The following CHN2 variants were observed in gnomAD, a reference collection of about 807,000 sequenced individuals.
The protein encoded by CHN2 is beta-chimaerin.
Under a neutral mutation model 56.3 loss-of-function variants are expected in CHN2, and 35 were observed. That is an observed-to-expected ratio of 0.62 (90% confidence interval 0.47 to 0.82). The LOEUF (loss-of-function observed/expected upper bound fraction) is 0.82. Among genes scored for constraint, CHN2 ranks in the 40% least tolerant of loss-of-function variants. CHN2 has a pLI of 0.00. For missense variants in CHN2, 491 were observed against 580.5 expected, an observed-to-expected ratio of 0.85 and a Z score of 1.58; for synonymous variants, 210 against 212.8, an observed-to-expected ratio of 0.99 and a Z score of 0.12.
At chr7:29,299,062 G>A (rs534970270) in intron 1 of CHN2, among the ~76,000 whole-genome samples, 8 of 152,280 alleles carry the variant, frequency 5.3e-5, no homozygotes, top group East Asian at 1.9e-4. Flanking sequence ...GGGATTCTCC[G>A]CAGAGCGAGA....
intron 3 of CHN2, among the ~76,000 whole-genome samples, chr7:29,391,590 T>C (rs1801376742): frequency 1.3e-5 from 2 of 152,202 alleles, no homozygotes; most frequent in Admixed American, 1.3e-4. Flanking sequence ...TTTCAGAAGA[T>C]TTGTCCCTCA....
At position 29,212,711 on chromosome 7, in the gene CHN2, C is replaced by T. The variant is rs1396353904; in HGVS notation, c.49+17721C>T. On this transcript the variant is annotated intron_variant, in intron 1 of 12. Coordinates refer to ENST00000222792, the MANE Select transcript of CHN2 (RefSeq NM_004067.4). Reference sequence around the variant, plus strand: ...CAATATCTGGAACCTCAGCTACAAACAGGTGAAGACCTGGTTCTAGAACCA... The same window carrying T: ...CAATATCTGGAACCTCAGCTACAAATAGGTGAAGACCTGGTTCTAGAACCA... 3 of 1,592,178 alleles carry T rather than the reference C, an allele frequency of 1.9e-6. No homozygotes were observed. The Admixed American group carries it at 5.0e-5, about 27-fold the overall frequency.
intron 6 of CHN2, among the ~76,000 whole-genome samples, chr7:29,424,970 C>T (rs1804710554): frequency 6.6e-6 from 1 of 152,194 alleles, no homozygotes; most frequent in African/African-American, 2.4e-5. Flanking sequence ...TAGTATTTAC[C>T]TGACCAAGCT....
chr7:29,188,541 T>TTA (rs1470440799), intron 2 of CHN2, among the ~76,000 whole-genome samples: 1 of 151,786 alleles, frequency 6.6e-6, no homozygotes, highest in Admixed American at 6.6e-5. Flanking sequence ...ATTTTTTTTT[T>TTA]AAAAAAAAGA....
intron 3 of CHN2, among the ~76,000 whole-genome samples, chr7:29,375,808 G>T (rs1800034060): frequency 6.6e-6 from 1 of 152,126 alleles, no homozygotes; most frequent in African/African-American, 2.4e-5. Context: ...CTCCATAGGA[G>T]TTGCTACCTA....
At chr7:29,235,072 G>A (rs1195127552) in intron 1 of CHN2, among the ~76,000 whole-genome samples, 1 of 152,118 alleles carries the variant, frequency 6.6e-6, no homozygotes, top group African/African-American at 2.4e-5. Flanking sequence ...ACTGGATGTA[G>A]TTTTAGTCCT....
intron 1 of CHN2, among the ~76,000 whole-genome samples, chr7:29,236,539 C>T (rs1250403559): frequency 2.6e-5 from 4 of 152,202 alleles, no homozygotes; most frequent in African/African-American, 9.7e-5. Context: ...AATATCTTCT[C>T]CCTTAGCCTG....
At chr7:29,232,484 C>T (rs1303993570) in intron 1 of CHN2, among the ~76,000 whole-genome samples, 1 of 152,198 alleles carries the variant, frequency 6.6e-6, no homozygotes, top group East Asian at 1.9e-4. Flanking sequence ...TTCTCTAGCT[C>T]TCCTTTTTCT....
intron 9 of CHN2, among the ~76,000 whole-genome samples, chr7:29,501,557 T>C (rs1404403292): frequency 6.6e-6 from 1 of 152,142 alleles, no homozygotes; most frequent in Non-Finnish European, 1.5e-5. Flanking sequence ...ATGTCTAACA[T>C]TTAAGAATAG....
At position 29,477,412 on chromosome 7, in the gene CHN2, C is replaced by G. The variant is rs547787203; in HGVS notation, c.577-2867C>G. On this transcript the variant is annotated intron_variant, in intron 6 of 12. Transcript: ENST00000222792. ...TCATTGTATTCAACCATCCATAGAC[C>G]AAAAGGAGGAGATTCTTTTGGCCAC... Among the ~76,000 whole-genome samples, 22 of 152,232 alleles carry G rather than the reference C, an allele frequency of 1.4e-4. No homozygotes were observed. In the South Asian group the frequency reaches 4.2e-3, roughly 29 times the overall value.
At position 29,199,754 on chromosome 7, in the gene CHN2, T is replaced by C. The variant is rs937966703; in HGVS notation, c.49+4764T>C. 5 of 152,328 alleles carry C rather than the reference T, an allele frequency of 3.3e-5. 1 individual carries two copies. In the Middle Eastern group the frequency reaches 0.017, roughly 518 times the overall value. 9.4% of individuals were successfully genotyped at this position (152,328 alleles called of 1,614,324 possible). On this transcript the variant is annotated intron_variant, in intron 1 of 12. Coordinates refer to ENST00000222792, the MANE Select transcript of CHN2 (RefSeq NM_004067.4). ...GGTAAGGAGATTTTTCTTAGCATGC[T>C]ACATATTTGCAGTGTTTGACAAGGG...
At chr7:29,499,835 G>T in intron 8 of CHN2, 32 bp from the exon 9 acceptor site, 1 of 1,526,034 alleles carries the variant, frequency 6.6e-7, no homozygotes, top group Non-Finnish European at 8.8e-7. Context: ...CAAAAGGGCT[G>T]GGCTAGGCTA....
chr7:29,449,220 G>A (rs1784232583), intron 6 of CHN2, among the ~76,000 whole-genome samples: 1 of 152,180 alleles, frequency 6.6e-6, no homozygotes, highest in African/African-American at 2.4e-5. Context: ...AAAAATGGGA[G>A]GCTCTAAATA....
At chr7:29,325,710 A>G (rs1795745948) in intron 1 of CHN2, among the ~76,000 whole-genome samples, 1 of 152,196 alleles carries the variant, frequency 6.6e-6, no homozygotes, top group Non-Finnish European at 1.5e-5. Context: ...TTTTAAAGGA[A>G]AACACCCTGA....
At chr7:29,216,628 T>G (rs1161746901) in intron 1 of CHN2, among the ~76,000 whole-genome samples, 1 of 152,184 alleles carries the variant, frequency 6.6e-6, no homozygotes, top group Non-Finnish European at 1.5e-5. Flanking sequence ...CTGGTTCAGG[T>G]CTGTGTTGGT....
At chr7:29,341,455 C>G (rs1797048595) in intron 1 of CHN2, among the ~76,000 whole-genome samples, 1 of 152,088 alleles carries the variant, frequency 6.6e-6, no homozygotes, top group African/African-American at 2.4e-5. Context: ...TGTTGCCAGG[C>G]CAGCACTGAG....
intron 1 of CHN2, among the ~76,000 whole-genome samples, chr7:29,276,044 G>A (rs571068562): frequency 7.9e-4 from 112 of 141,846 alleles, no homozygotes; most frequent in African/African-American, 2.7e-3. Flanking sequence ...ATGTTCCCCC[G>A]AATCTAAAAC....
At chr7:29,380,168 C>T (rs111726523) in intron 3 of CHN2, among the ~76,000 whole-genome samples, 425 of 152,174 alleles carry the variant, frequency 2.8e-3, no homozygotes, top group African/African-American at 9.1e-3. Flanking sequence ...GATACAATTC[C>T]ACCCTCCTGG....
intron 1 of CHN2, among the ~76,000 whole-genome samples, chr7:29,280,264 G>A (rs546327348): frequency 1.4e-4 from 22 of 151,848 alleles, no homozygotes; most frequent in Non-Finnish European, 2.7e-4. Flanking sequence ...GGCGCCTGTA[G>A]TCCCAGCTAC....
Sources: allele counts gnomAD v4.1 joint callset (sites outside exome capture counted in the v4.1 genomes callset), GRCh38; gene constraint gnomAD v4.1.1; transcripts MANE v1.5; gene names NCBI Gene and HGNC (gene_info 2026-07-23, HGNC 2026-07-21).